The following ZSWIM5 variants were observed in gnomAD, a reference collection of about 807,000 sequenced individuals.
The protein encoded by ZSWIM5 is zinc finger SWIM-type containing 5.
Under a neutral mutation model 119.6 loss-of-function variants are expected in ZSWIM5, and 55 were observed. The ratio of observed to expected loss-of-function variants is 0.46; its 90% CI spans 0.37 to 0.58. The LOEUF is 0.58. Ranked by LOEUF, ZSWIM5 falls within the 20% of genes least tolerant of loss-of-function variation. The pLI is 0.00. For missense variants in ZSWIM5, 1,193 were observed against 1,512.8 expected (o/e 0.79, Z 3.51); for synonymous variants, 537 against 606.9 (o/e 0.88, Z 1.69).
intron 1 of ZSWIM5, among the ~76,000 whole-genome samples, chr1:45,143,674 CAAG>C (rs1645743799): frequency 6.6e-6 from 1 of 151,750 alleles, no homozygotes; most frequent in Admixed American, 6.6e-5. Flanking sequence ...TGGTGCAACA[CAAG>C]AAGAAAATGT....
At chr1:45,081,679 C>T (rs1440655793) in intron 2 of ZSWIM5, among the ~76,000 whole-genome samples, 1 of 152,142 alleles carries the variant, frequency 6.6e-6, no homozygotes, top group Non-Finnish European at 1.5e-5. Flanking sequence ...ACCTCCCAGC[C>T]GCCTGCCTTG....
chr1:45,196,495 A>G (rs1045959294), intron 1 of ZSWIM5, among the ~76,000 whole-genome samples: 5 of 140,346 alleles, frequency 3.6e-5, no homozygotes, highest in Non-Finnish European at 6.0e-5. Flanking sequence ...GGCTTATGCC[A>G]TTCTCCTGCC....
intron 1 of ZSWIM5, among the ~76,000 whole-genome samples, chr1:45,100,556 G>C (rs1160189931): frequency 6.6e-6 from 1 of 152,044 alleles, no homozygotes; most frequent in East Asian, 1.9e-4. Flanking sequence ...CTACTTTAAA[G>C]TTCATATGGA....
At chr1:45,020,567 T>C in intron 12 of ZSWIM5, 58 bp downstream of exon 12, 2 of 1,572,756 alleles carry the variant, frequency 1.3e-6, no homozygotes, top group South Asian at 1.2e-5. Context: ...TCTTATCTTC[T>C]GCCAACTGTC....
chr1:45,140,955 C>G (rs960080734), intron 1 of ZSWIM5, among the ~76,000 whole-genome samples: 2 of 152,006 alleles, frequency 1.3e-5, no homozygotes, highest in Non-Finnish European at 2.9e-5. Context: ...ATTCAAAAGC[C>G]CAGTAGTGAG....
chr1:45,097,807 T>C (rs1645412260), intron 1 of ZSWIM5, among the ~76,000 whole-genome samples: 1 of 152,144 alleles, frequency 6.6e-6, no homozygotes, highest in Non-Finnish European at 1.5e-5. Context: ...GTTCAAGCAA[T>C]TCTCCTGCCT....
Position 45,022,271 on chromosome 1 carries a change from C to T in ZSWIM5, c.2450-1483G>A, listed in dbSNP as rs550741394. Among the ~76,000 whole-genome samples the T allele has an allele frequency of 3.3e-5, 5 of 151,866 alleles. No individual in the cohort carries two copies. The South Asian group carries it at 1.0e-3, about 32-fold the overall frequency. On this transcript the variant is annotated intron_variant, in intron 11 of 13. Transcript: ENST00000359600. ...TCAGCCTCCCGCGTAGCTGAGACTA[C>T]AGGCGCCCACCACCACGCCCGGCTA...
chr1:45,032,006 C>A (rs933106427), intron 11 of ZSWIM5, among the ~76,000 whole-genome samples: 1 of 152,046 alleles, frequency 6.6e-6, no homozygotes, highest in East Asian at 1.9e-4. Flanking sequence ...TGATTTTTTT[C>A]TTTGCTCCAT....
Position 45,058,539 on chromosome 1 carries a change from G to A in ZSWIM5, c.1252+70C>T. On this transcript the variant is annotated intron_variant, in intron 4 of 13. Transcript: ENST00000359600. ...GATCCATGCAACGACTGATGGCAAGGGCTCATAAACACTGTTGCCACAGGG... is the reference window on the plus strand; with the variant it reads ...GATCCATGCAACGACTGATGGCAAGAGCTCATAAACACTGTTGCCACAGGG... 2.5e-6 allele frequency: 4 copies of A among 1,577,252 alleles called. No individual in the cohort carries two copies. In the South Asian group the frequency reaches 3.4e-5, roughly 13 times the overall value.
At chr1:45,120,726 T>C (rs1436904629) in intron 1 of ZSWIM5, among the ~76,000 whole-genome samples, 1 of 151,924 alleles carries the variant, frequency 6.6e-6, no homozygotes, top group African/African-American at 2.4e-5. Context: ...TCCTCCTGCC[T>C]TGGCCTCTCA....
chr1:45,100,418 G>A (rs979716502), intron 1 of ZSWIM5, among the ~76,000 whole-genome samples: 2 of 152,076 alleles, frequency 1.3e-5, no homozygotes, highest in African/African-American at 4.8e-5. Context: ...ACAAATGGAA[G>A]AACATTCCAT....
intron 1 of ZSWIM5, among the ~76,000 whole-genome samples, chr1:45,163,816 A>T (rs756265592): frequency 1.3e-5 from 2 of 152,192 alleles, no homozygotes; most frequent in African/African-American, 4.8e-5. Flanking sequence ...AATATGGGAC[A>T]ATGTGAAAAG....
intron 4 of ZSWIM5, among the ~76,000 whole-genome samples, chr1:45,052,063 G>A (rs904439822): frequency 1.3e-5 from 2 of 149,050 alleles, no homozygotes; most frequent in Non-Finnish European, 3.0e-5. Flanking sequence ...GAGATGGGGC[G>A]ATCTTGGCTC....
intron 10 of ZSWIM5, 107 bp downstream of exon 10, chr1:45,035,581 A>G: frequency 7.0e-7 from 1 of 1,436,574 alleles, no homozygotes; most frequent in East Asian, 2.3e-5. Flanking sequence ...AGCGGGTCCA[A>G]CAGAATGACA....
chr1:45,094,203 G>A (rs1185571166), intron 1 of ZSWIM5, among the ~76,000 whole-genome samples: 1 of 151,624 alleles, frequency 6.6e-6, no homozygotes, highest in Non-Finnish European at 1.5e-5. Flanking sequence ...TTACAGGCAC[G>A]CGCCACCACG....
At chr1:45,058,486 TAA>T in intron 4 of ZSWIM5, 121 bp downstream of exon 4, 4 of 1,271,438 alleles carry the variant, frequency 3.1e-6, no homozygotes, top group Non-Finnish European at 4.4e-6. Flanking sequence ...CTGTAGAACC[TAA>T]GTCTTCTACC....
At chr1:45,171,444 AC>A (rs1472373777) in intron 1 of ZSWIM5, among the ~76,000 whole-genome samples, 2 of 152,088 alleles carry the variant, frequency 1.3e-5, no homozygotes, top group Admixed American at 1.3e-4. Flanking sequence ...GTGGTAGGTA[AC>A]TGACAAAGAT....
intron 12 of ZSWIM5, 93 bp from the exon 13 acceptor site, chr1:45,020,240 G>T (rs759115407): frequency 9.4e-6 from 10 of 1,068,992 alleles, no homozygotes; most frequent in Non-Finnish European, 1.4e-5. Flanking sequence ...ATATTTTCTG[G>T]TGCTTTAAAC....
intron 1 of ZSWIM5, among the ~76,000 whole-genome samples, chr1:45,116,164 G>A (rs1557770832): frequency 6.6e-6 from 1 of 152,056 alleles, no homozygotes; most frequent in Non-Finnish European, 1.5e-5. Context: ...TCTTTTTGTA[G>A]CCAAACATTA....
Sources: allele counts gnomAD v4.1 joint callset (sites outside exome capture counted in the v4.1 genomes callset), GRCh38; gene constraint gnomAD v4.1.1; transcripts MANE v1.5; gene names NCBI Gene and HGNC (gene_info 2026-07-23, HGNC 2026-07-21).